Variants in NTRK2 observed in about 807,000 individuals in gnomAD.
NTRK2 encodes the protein neurotrophic receptor tyrosine kinase 2, also known as BDNF/NT-3 growth factors receptor.
Under a neutral mutation model 94.5 loss-of-function variants are expected in NTRK2, and 13 were observed. The observed-to-expected ratio is 0.14, with a 90% CI of 0.09 to 0.22. The LOEUF (loss-of-function observed/expected upper bound fraction) is 0.22, where lower values mean the gene tolerates loss of function less well. Ranked by LOEUF, NTRK2 falls within the 10% of genes least tolerant of loss-of-function variation. NTRK2 has a pLI of 1.00. For synonymous variants in NTRK2, 372 were observed against 407.4 expected (o/e 0.91, Z 1.05); for missense variants, 639 against 1,071.2 (o/e 0.60, Z 5.63).
intron 12 of NTRK2, among the ~76,000 whole-genome samples, chr9:84,849,125 A>G (rs2074622630): frequency 6.6e-6 from 1 of 152,196 alleles, no homozygotes; most frequent in African/African-American, 2.4e-5. Flanking sequence ...TCACTATTAC[A>G]GAAAAAGATA....
chr9:84,912,308 T>C (rs1432339425), intron 14 of NTRK2, among the ~76,000 whole-genome samples: 10 of 152,188 alleles, frequency 6.6e-5, no homozygotes, highest in Admixed American at 6.5e-4. Context: ...GCTGATTTTT[T>C]CTGTCTAATG....
At chr9:84,897,754 G>C (rs11140803) in intron 14 of NTRK2, among the ~76,000 whole-genome samples, 2 of 152,094 alleles carry the variant, frequency 1.3e-5, no homozygotes, top group East Asian at 3.9e-4. Flanking sequence ...CTGCCTGGTC[G>C]TGCATGTGTC....
chr9:85,010,174 A>G (rs990786488), intron 17 of NTRK2, among the ~76,000 whole-genome samples: 15 of 152,208 alleles, frequency 9.9e-5, no homozygotes, highest in African/African-American at 3.6e-4. Flanking sequence ...AAATTGCTGC[A>G]TTTGTCCCTT....
At chr9:85,017,226 T>G (rs1832335234) in intron 17 of NTRK2, among the ~76,000 whole-genome samples, 1 of 152,154 alleles carries the variant, frequency 6.6e-6, no homozygotes, top group African/African-American at 2.4e-5. Context: ...AAGCCACACC[T>G]CAAAAGCATT....
intron 14 of NTRK2, among the ~76,000 whole-genome samples, chr9:84,907,790 C>G (rs896995147): frequency 6.6e-6 from 1 of 150,458 alleles, no homozygotes; most frequent in African/African-American, 2.5e-5. Context: ...TCCTATGTTG[C>G]CTTTTGCTTT....
At position 85,021,382 on chromosome 9, in the gene NTRK2, C is replaced by T. The variant is rs2118015467; in HGVS notation, c.2462C>T (p.Thr821Ile). Reference protein sequence around the residue: ...HMRKNIKGIHTLLQNLAKASP... With the variant: ...HMRKNIKGIHILLQNLAKASP... ...AGGAAGAACATCAAGGGCATCCATACCCTCCTTCAGAACTTGGCCAAGGCA... is the reference window on the plus strand; with the variant it reads ...AGGAAGAACATCAAGGGCATCCATATCCTCCTTCAGAACTTGGCCAAGGCA... Residue 821 changes from threonine (T) to isoleucine (I), a missense_variant, in exon 19 of 19, where the codon ACC (threonine) becomes ATC (isoleucine). This residue lies in a region of NTRK2 where 77 missense variants were observed against 203.6 expected (regional missense o/e 0.38). Coordinates refer to ENST00000277120, the MANE Select transcript of NTRK2 (RefSeq NM_006180.6). 6.2e-7 allele frequency: 1 copy of T among 1,614,138 alleles called. No homozygotes were observed. The highest frequency in any genetic ancestry group is 8.5e-7 in the Non-Finnish European group (1 of 1,180,012).
chr9:84,677,786 G>A (rs2059151682), intron 2 of NTRK2, among the ~76,000 whole-genome samples: 2 of 152,144 alleles, frequency 1.3e-5, no homozygotes, highest in African/African-American at 4.8e-5. Flanking sequence ...TGGGAAGGAG[G>A]TGGGCTGGTG....
rs139143812 is a variant in NTRK2 at position 84,733,489 on chromosome 9, C to A, written c.1159+5530C>A. ...GAGGGTCCTGGGCTACCCCTTGCAG[C>A]GAGTTGTAACACTTGAGACAACGTA... On this transcript the variant is annotated intron_variant, in intron 9 of 18. Coordinates refer to ENST00000277120, the MANE Select transcript of NTRK2 (RefSeq NM_006180.6). Among the ~76,000 whole-genome samples, 24 of 152,254 alleles carry A rather than the reference C, an allele frequency of 1.6e-4. No homozygotes were observed. In the East Asian group the frequency reaches 4.2e-3, roughly 27 times the overall value.
intron 2 of NTRK2, among the ~76,000 whole-genome samples, chr9:84,696,249 C>T (rs983541752): frequency 6.6e-6 from 1 of 152,222 alleles, no homozygotes; most frequent in African/African-American, 2.4e-5. Context: ...CTCAAGCCTC[C>T]TGCCTTGGCC....
chr9:85,024,138 G>A lies in NTRK2; in HGVS notation c.*2701G>A, dbSNP rs1240555774. ...GCTGATTATTACTATTACTATCTCT[G>A]TTGTCTTAAGAGTATGTGCTGATTT... On this transcript the variant is annotated 3_prime_UTR_variant, in exon 19 of 19. Transcript: ENST00000277120. The A allele has an allele frequency of 1.7e-5, 4 of 231,258 alleles. No individual in the cohort carries two copies. The highest frequency in any genetic ancestry group is 1.2e-3 in the Middle Eastern group (1 of 806). 14.3% of individuals were successfully genotyped at this position (231,258 alleles called of 1,614,324 possible). A position where few individuals can be genotyped will look rare whatever the true frequency, so the allele number is the denominator to read the frequency against.
rs1832990830 is a variant in NTRK2 at position 85,025,539 on chromosome 9, G to A, written c.*4102G>A. 1 of 233,090 alleles carries A rather than the reference G, an allele frequency of 4.3e-6. No individual in the cohort carries two copies. Among genetic ancestry groups the A allele is most frequent in the Admixed American group, 5.6e-5 (1 of 17,780 alleles). 14.4% of individuals were successfully genotyped at this position (233,090 alleles called of 1,614,324 possible). ...CTGTCCTTTTCAAAGCGTCCTAACA[G>A]CAGGATTACCTGGTCAAGTATGGAC... On this transcript the variant is annotated 3_prime_UTR_variant, in exon 19 of 19. Coordinates refer to ENST00000277120, the MANE Select transcript of NTRK2 (RefSeq NM_006180.6).
chr9:84,876,145 A>C (rs1307784154), intron 14 of NTRK2: 9 of 1,039,984 alleles, frequency 8.7e-6, no homozygotes, highest in Non-Finnish European at 1.0e-5. Context: ...GTGGAACCCA[A>C]GCTCCTCATT....
intron 12 of NTRK2, among the ~76,000 whole-genome samples, chr9:84,855,143 T>A (rs1193396521): frequency 4.6e-5 from 7 of 152,032 alleles, no homozygotes; most frequent in Admixed American, 4.6e-4. Context: ...TTATACTAAA[T>A]GCAAGGAGAA....
intron 2 of NTRK2, among the ~76,000 whole-genome samples, chr9:84,680,620 G>A (rs984106894): frequency 7.2e-5 from 11 of 152,118 alleles, no homozygotes; most frequent in Admixed American, 5.9e-4. Context: ...ATTGAAGCAG[G>A]TTCATGTTCC....
intron 14 of NTRK2, among the ~76,000 whole-genome samples, chr9:84,881,536 A>G (rs2076254350): frequency 6.6e-6 from 1 of 152,236 alleles, no homozygotes. Flanking sequence ...ACAGTGCCCA[A>G]GACATTGTAG....
chr9:84,759,334 T>G (rs1466347055), intron 12 of NTRK2, among the ~76,000 whole-genome samples: 2 of 152,214 alleles, frequency 1.3e-5, no homozygotes, highest in Non-Finnish European at 2.9e-5. Context: ...ATATTGAAAA[T>G]GTGTGTCAGA....
chr9:84,694,834 T>C (rs148126081), intron 2 of NTRK2, among the ~76,000 whole-genome samples: 2 of 152,002 alleles, frequency 1.3e-5, no homozygotes, highest in Non-Finnish European at 2.9e-5. Context: ...GATAGATTGA[T>C]AGATATCATC....
intron 14 of NTRK2, chr9:84,877,969 A>G: frequency 9.9e-7 from 1 of 1,005,618 alleles, no homozygotes; most frequent in Non-Finnish European, 1.2e-6. Context: ...ATATAATTCA[A>G]CATTGGGATT....
At chr9:84,915,359 C>T (rs2077364839) in intron 14 of NTRK2, among the ~76,000 whole-genome samples, 1 of 152,100 alleles carries the variant, frequency 6.6e-6, no homozygotes, top group Non-Finnish European at 1.5e-5. Context: ...GGGATGCGGC[C>T]CTCATGAATG....
Sources: allele counts gnomAD v4.1 joint callset (sites outside exome capture counted in the v4.1 genomes callset), GRCh38; gene constraint gnomAD v4.1.1; regional missense constraint gnomAD v4.1.1; transcripts MANE v1.5; gene names NCBI Gene and HGNC (gene_info 2026-07-23, HGNC 2026-07-21).